The following USP8 variants were observed in gnomAD, a reference collection of about 807,000 sequenced individuals.
The protein encoded by USP8 is ubiquitin carboxyl-terminal hydrolase 8.
In USP8, 27 loss-of-function variants were observed where a neutral mutation model predicts 130.0. That is an observed-to-expected ratio of 0.21 (90% CI 0.15 to 0.29). The LOEUF (loss-of-function observed/expected upper bound fraction) is 0.29. USP8 is among the 10% of genes least tolerant of loss of function. The probability of loss-of-function intolerance (pLI) is 1.00; values close to 1 mark genes in which losing one functional copy is unlikely to be tolerated. For missense variants in USP8, 1,029 were observed against 1,312.2 expected, an observed-to-expected ratio of 0.78 and a Z score of 3.33; for synonymous variants, 392 against 444.1, an observed-to-expected ratio of 0.88 and a Z score of 1.48.
At chr15:50,466,341 G>A (rs2051186887) in intron 7 of USP8, among the ~76,000 whole-genome samples, 1 of 152,156 alleles carries the variant, frequency 6.6e-6, no homozygotes, top group South Asian at 2.1e-4. Context: ...GCTCACACCT[G>A]TAATCCCAGC....
At chr15:50,457,809 C>T (rs1301281340) in intron 4 of USP8, among the ~76,000 whole-genome samples, 3 of 140,362 alleles carry the variant, frequency 2.1e-5, no homozygotes, top group Non-Finnish European at 4.5e-5. Flanking sequence ...TGCAGTGAAC[C>T]GAGATCATGC....
At chr15:50,471,893 T>A in intron 8 of USP8, 98 bp downstream of exon 8, 4 of 1,298,320 alleles carry the variant, frequency 3.1e-6, no homozygotes, top group Non-Finnish European at 3.2e-6. Context: ...ACTAAAAGAT[T>A]CATCATGCCT....
At position 50,510,595 on chromosome 15, in the gene USP8, G is replaced by T. The variant is rs1048274544; in HGVS notation, c.*11507G>T. 4 of 152,124 alleles carry T rather than the reference G, an allele frequency of 2.6e-5. No homozygotes were observed. The highest frequency in any genetic ancestry group is 6.6e-5 in the Admixed American group (1 of 15,254). 9.4% of individuals were successfully genotyped at this position (152,124 alleles called of 1,614,324 possible). A position where few individuals can be genotyped will look rare whatever the true frequency, so the allele number is the denominator to read the frequency against. On this transcript the variant is annotated 3_prime_UTR_variant, in exon 20 of 20. Coordinates refer to ENST00000307179, the MANE Select transcript of USP8 (RefSeq NM_005154.5). ...GGTATGTAGAAGAATGTGGTTAAGG[G>T]ATTATTTTGATCTATGAAGTGTCAC...
intron 5 of USP8, among the ~76,000 whole-genome samples, chr15:50,460,366 G>T (rs1182529870): frequency 7.0e-6 from 1 of 143,208 alleles, no homozygotes; most frequent in East Asian, 2.1e-4. Flanking sequence ...GAGTGCAGTG[G>T]TGCGATTTCA....
Position 50,512,989 on chromosome 15 carries a change from C to G in USP8, c.*13901C>G, listed in dbSNP as rs933208057. ...AAGGATCTAGAACATGTAAATGACT[C>G]TTTCCAATCAATAAGAAGAAAAATA... On this transcript the variant is annotated 3_prime_UTR_variant, in exon 20 of 20. Coordinates refer to ENST00000307179, the MANE Select transcript of USP8 (RefSeq NM_005154.5). 1.3e-5 allele frequency: 2 copies of G among 152,128 alleles called. No individual in the cohort carries two copies. The highest frequency in any genetic ancestry group is 4.8e-5 in the African/African-American group (2 of 41,410). The allele number at this position is 152,128 out of a possible 1,614,324, so 9.4% of individuals were successfully genotyped here. A position where few individuals can be genotyped will look rare whatever the true frequency, so the allele number is the denominator to read the frequency against.
At chr15:50,453,344 A>G (rs578190834) in intron 4 of USP8, among the ~76,000 whole-genome samples, 1 of 152,174 alleles carries the variant, frequency 6.6e-6, no homozygotes, top group African/African-American at 2.4e-5. Context: ...TTGTTTTCCC[A>G]GTAGAACTTT....
At chr15:50,463,310 A>T (rs2051074754) in intron 6 of USP8, 1 of 152,190 alleles carries the variant, frequency 6.6e-6, no homozygotes, top group Non-Finnish European at 1.5e-5. Flanking sequence ...CAAATATGTG[A>T]CCTAAACAAG....
At chr15:50,476,166 T>C (rs975159819) in intron 8 of USP8, among the ~76,000 whole-genome samples, 3 of 152,166 alleles carry the variant, frequency 2.0e-5, no homozygotes, top group Non-Finnish European at 4.4e-5. Context: ...GTGCAGCGGC[T>C]CACGCCTATA....
intron 10 of USP8, among the ~76,000 whole-genome samples, chr15:50,479,973 C>G: frequency 6.6e-6 from 1 of 152,068 alleles, no homozygotes; most frequent in Middle Eastern, 3.2e-3. Flanking sequence ...GTTGCCCAGG[C>G]TGGTCTCGAA....
At chr15:50,468,147 G>C (rs2051253040) in intron 7 of USP8, among the ~76,000 whole-genome samples, 1 of 151,272 alleles carries the variant, frequency 6.6e-6, no homozygotes, top group Non-Finnish European at 1.5e-5. Flanking sequence ...TGTTGGCCAG[G>C]CTGGTCTCGA....
At chr15:50,426,627 G>C (rs148610429) in intron 1 of USP8, among the ~76,000 whole-genome samples, 35 of 152,168 alleles carry the variant, frequency 2.3e-4, no homozygotes, top group African/African-American at 7.7e-4. Flanking sequence ...CAACTGGAAT[G>C]CCCACACATA....
intron 11 of USP8, 40 bp from the exon 12 acceptor site, chr15:50,484,235 A>G: frequency 1.3e-6 from 2 of 1,513,856 alleles, no homozygotes; most frequent in South Asian, 2.3e-5. Context: ...GAGGAGAATT[A>G]AAGTTTTCTT....
chr15:50,460,370 G>A (rs79262459), intron 5 of USP8, among the ~76,000 whole-genome samples: 18,089 of 142,642 alleles, frequency 0.13, 1,616 homozygotes, highest in East Asian at 0.44. Context: ...GCAGTGGTGC[G>A]ATTTCAGCTC....
intron 1 of USP8, among the ~76,000 whole-genome samples, chr15:50,428,985 G>A (rs1037127123): frequency 2.0e-5 from 3 of 152,226 alleles, no homozygotes; most frequent in Admixed American, 6.5e-5. Flanking sequence ...CAGGCAGGTA[G>A]CATCTACAGT....
intron 14 of USP8, among the ~76,000 whole-genome samples, chr15:50,491,198 GA>G (rs767574158): frequency 6.6e-6 from 1 of 152,142 alleles, no homozygotes; most frequent in Non-Finnish European, 1.5e-5. Context: ...TTTTTGGGAG[GA>G]GGGGGGCAAT....
Position 50,505,563 on chromosome 15 carries a change from T to C in USP8, c.*6475T>C, listed in dbSNP as rs2052647328. The C allele has an allele frequency of 6.6e-6, 1 of 152,098 alleles. No individual in the cohort carries two copies. The highest frequency in any genetic ancestry group is 2.1e-4 in the South Asian group (1 of 4,826). The allele number at this position is 152,098 out of a possible 1,614,324, so 9.4% of individuals were successfully genotyped here. A position where few individuals can be genotyped will look rare whatever the true frequency, so the allele number is the denominator to read the frequency against. On this transcript the variant is annotated 3_prime_UTR_variant, in exon 20 of 20. Coordinates refer to ENST00000307179, the MANE Select transcript of USP8 (RefSeq NM_005154.5). ...CAATGAAGGAAGAAGTGATACATAATAGACAGTGATTAACAAAAAAGACTG... is the reference window on the plus strand; with the variant it reads ...CAATGAAGGAAGAAGTGATACATAACAGACAGTGATTAACAAAAAAGACTG...
intron 3 of USP8, among the ~76,000 whole-genome samples, chr15:50,442,569 C>A (rs567240991): frequency 6.6e-6 from 1 of 150,888 alleles, no homozygotes; most frequent in African/African-American, 2.4e-5. Flanking sequence ...CATGGTGAAA[C>A]CCCATCTGTA....
intron 4 of USP8, among the ~76,000 whole-genome samples, chr15:50,450,469 T>G (rs1340681452): frequency 8.0e-6 from 1 of 124,940 alleles, no homozygotes; most frequent in East Asian, 2.1e-4. Context: ...ATTCTTTTTT[T>G]TTTTTTTTTT....
Position 50,509,244 on chromosome 15 carries a change from G to C in USP8, c.*10156G>C, listed in dbSNP as rs559970292. On this transcript the variant is annotated 3_prime_UTR_variant, in exon 20 of 20. Transcript: ENST00000307179. Reference sequence around the variant, plus strand: ...AGGTGGGAGGATGGCTCGAGCCTGGGAGGCAGAGGTTGCAGTGAGCCAAGA... The same window carrying C: ...AGGTGGGAGGATGGCTCGAGCCTGGCAGGCAGAGGTTGCAGTGAGCCAAGA... 2.0e-5 allele frequency: 3 copies of C among 152,536 alleles called. No individual in the cohort carries two copies. The highest frequency in any genetic ancestry group is 7.2e-5 in the African/African-American group (3 of 41,476). 9.4% of individuals were successfully genotyped at this position (152,536 alleles called of 1,614,324 possible).
Sources: allele counts gnomAD v4.1 joint callset (sites outside exome capture counted in the v4.1 genomes callset), GRCh38; gene constraint gnomAD v4.1.1; transcripts MANE v1.5; gene names NCBI Gene and HGNC (gene_info 2026-07-23, HGNC 2026-07-21).